Variants in PTPRD observed in about 807,000 individuals in gnomAD.
PTPRD encodes the protein receptor-type tyrosine-protein phosphatase delta.
A neutral mutation model predicts 214.5 loss-of-function variants in PTPRD; 34 were observed. That is an observed-to-expected ratio of 0.16 (90% CI 0.12 to 0.21). The LOEUF (loss-of-function observed/expected upper bound fraction) is 0.21. PTPRD is among the 10% of genes least tolerant of loss of function. The probability of loss-of-function intolerance (pLI) is 1.00; values close to 1 mark genes in which losing one functional copy is unlikely to be tolerated. For missense variants in PTPRD, 2,545 were observed against 2,398.7 expected, an observed-to-expected ratio of 1.06 and a Z score of -1.27; for synonymous variants, 1,128 against 845.7, an observed-to-expected ratio of 1.33 and a Z score of -5.79.
At chr9:9,959,532 A>C (rs1160421601) in intron 4 of PTPRD, among the ~76,000 whole-genome samples, 3 of 152,150 alleles carry the variant, frequency 2.0e-5, no homozygotes, top group Non-Finnish European at 4.4e-5. Context: ...TCCTAGAAAA[A>C]CTTCCTATGG....
At chr9:9,978,279 GA>G (rs551674539) in intron 4 of PTPRD, among the ~76,000 whole-genome samples, 116 of 152,166 alleles carry the variant, frequency 7.6e-4, no homozygotes, top group African/African-American at 2.4e-3. Flanking sequence ...ATAACTATGT[GA>G]AACCTGTTGA....
chr9:8,324,282 G>C (rs1474649758), intron 44 of PTPRD, among the ~76,000 whole-genome samples: 1 of 152,070 alleles, frequency 6.6e-6, no homozygotes, highest in Non-Finnish European at 1.5e-5. Flanking sequence ...CCTGGTGTGT[G>C]ATGTTCGCTT....
At chr9:10,223,684 A>ATAT (rs2099579156) in intron 3 of PTPRD, among the ~76,000 whole-genome samples, 1 of 138,014 alleles carries the variant, frequency 7.2e-6, no homozygotes, top group African/African-American at 2.6e-5. Context: ...AATAATAATA[A>ATAT]TAATAATAAT....
intron 5 of PTPRD, among the ~76,000 whole-genome samples, chr9:9,866,086 C>T (rs543263762): frequency 2.6e-5 from 4 of 152,254 alleles, no homozygotes; most frequent in East Asian, 1.9e-4. Flanking sequence ...GCCTCTGAAA[C>T]CTACTTCTTT....
intron 7 of PTPRD, among the ~76,000 whole-genome samples, chr9:9,701,551 G>C (rs1172250214): frequency 6.6e-6 from 1 of 152,206 alleles, no homozygotes; most frequent in Non-Finnish European, 1.5e-5. Context: ...GGAAGGCATT[G>C]ATGACCATTT....
chr9:9,675,495 AT>A (rs1195797749), intron 7 of PTPRD, among the ~76,000 whole-genome samples: 1 of 151,848 alleles, frequency 6.6e-6, no homozygotes, highest in Non-Finnish European at 1.5e-5. Context: ...ATTATAAAAA[AT>A]AAAAAGGTCA....
chr9:9,574,269 C>T lies in PTPRD; in HGVS notation c.-237+463G>A, dbSNP rs373236840. ...CTTAGAAGTCACTTGTTATTTATTA[C>T]CATCTTATTTCCATAGTTACATACT... On this transcript the variant is annotated intron_variant, in intron 8 of 45. Coordinates refer to ENST00000381196, the MANE Select transcript of PTPRD (RefSeq NM_002839.4). Among the ~76,000 whole-genome samples, 4 of 151,954 alleles carry T rather than the reference C, an allele frequency of 2.6e-5. No homozygotes were observed. The East Asian group carries it at 7.7e-4, about 29-fold the overall frequency.
At chr9:10,381,601 T>C (rs1253679359) in intron 2 of PTPRD, among the ~76,000 whole-genome samples, 1 of 152,020 alleles carries the variant, frequency 6.6e-6, no homozygotes, top group Non-Finnish European at 1.5e-5. Flanking sequence ...TAACCTGTTA[T>C]CTGGCTACAA....
chr9:8,576,631 CAAAA>C (rs71317371), intron 14 of PTPRD, among the ~76,000 whole-genome samples: 21 of 115,990 alleles, frequency 1.8e-4, no homozygotes, highest in African/African-American at 4.1e-4. Flanking sequence ...GCTAATGCAG[CAAAA>C]AAAAAAAAAA....
At chr9:9,661,206 C>T (rs994981622) in intron 7 of PTPRD, among the ~76,000 whole-genome samples, 1 of 151,906 alleles carries the variant, frequency 6.6e-6, no homozygotes, top group Non-Finnish European at 1.5e-5. Context: ...CCTGTCCCTT[C>T]CTCATTTCTC....
intron 9 of PTPRD, among the ~76,000 whole-genome samples, chr9:9,306,652 A>G (rs1406586553): frequency 1.3e-5 from 2 of 151,848 alleles, no homozygotes; most frequent in African/African-American, 4.8e-5. Context: ...ATGAAGGCAC[A>G]CATTTTTAGG....
chr9:10,604,561 A>C, intron 2 of PTPRD, among the ~76,000 whole-genome samples: 1 of 151,846 alleles, frequency 6.6e-6, no homozygotes, highest in Admixed American at 6.6e-5. Context: ...ACTGCAAGAA[A>C]GCCTTGTTGC....
chr9:9,958,980 C>A lies in PTPRD; in HGVS notation c.-471-20370G>T, dbSNP rs374728233. The stretch of plus-strand genomic sequence containing the variant: ...ACTACACATAGTCTTACCATAAAAT[C>A]AAACAATCTTGCTCCTAGGTATAAA... On this transcript the variant is annotated intron_variant, in intron 4 of 45. Transcript: ENST00000381196. Among the ~76,000 whole-genome samples, 216 of 152,224 alleles carry A rather than the reference C, an allele frequency of 1.4e-3. 5 individuals are homozygous for A. In the South Asian group the frequency reaches 0.044, roughly 31 times the overall value.
At chr9:9,330,944 C>T (rs984738095) in intron 9 of PTPRD, among the ~76,000 whole-genome samples, 5 of 147,024 alleles carry the variant, frequency 3.4e-5, no homozygotes, top group Admixed American at 6.9e-5. Flanking sequence ...CAGCAATTAA[C>T]AGAAAGCTTT....
chr9:10,485,337 C>T (rs1473502968), intron 2 of PTPRD, among the ~76,000 whole-genome samples: 1 of 152,014 alleles, frequency 6.6e-6, no homozygotes, highest in African/African-American at 2.4e-5. Flanking sequence ...ACAGTTTAGA[C>T]TATTCTGAGT....
chr9:9,208,020 C>CTTTTTTTTTTTTTTTT lies in PTPRD; in HGVS notation c.-202-24673_-202-24658dup, dbSNP rs749709602. On this transcript the variant is annotated intron_variant, in intron 9 of 45. Transcript: ENST00000381196. ...TGGTATGGCTATTCATATATATCTGCTTTTTTTTTTTTTTTTTGAGACAGA... is the reference window on the plus strand; with the variant it reads ...TGGTATGGCTATTCATATATATCTGCTTTTTTTTTTTTTTTTTTTTTTTTTTTTTTTTTGAGACAGA... Among the ~76,000 whole-genome samples the CTTTTTTTTTTTTTTTT allele has an allele frequency of 4.5e-3, 241 of 53,258 alleles. 71 individuals are homozygous for CTTTTTTTTTTTTTTTT. The highest frequency in any genetic ancestry group is 7.9e-3 in the African/African-American group (146 of 18,452). 34.9% of individuals were successfully genotyped at this position (53,258 alleles called of 152,430 possible).
intron 10 of PTPRD, among the ~76,000 whole-genome samples, chr9:9,092,023 A>T (rs562398418): frequency 3.9e-5 from 6 of 152,216 alleles, no homozygotes; most frequent in Non-Finnish European, 8.8e-5. Context: ...GTTCTTCTCC[A>T]GAGAGAAAGT....
At chr9:8,969,970 G>A (rs990301246) in intron 11 of PTPRD, among the ~76,000 whole-genome samples, 2 of 151,846 alleles carry the variant, frequency 1.3e-5, no homozygotes, top group Non-Finnish European at 2.9e-5. Context: ...AATGTAATAA[G>A]GTGTAAAAGA....
chr9:10,589,309 CA>C (rs1388482016), intron 2 of PTPRD, among the ~76,000 whole-genome samples: 2 of 151,954 alleles, frequency 1.3e-5, no homozygotes, highest in Non-Finnish European at 1.5e-5. Context: ...GGGAAGAACA[CA>C]AACTGAACTT....
Sources: gnomAD v4.1 joint callset for allele counts (sites outside exome capture counted in the v4.1 genomes callset) on GRCh38, gnomAD v4.1.1 for gene constraint, MANE v1.5 for transcripts, NCBI Gene and HGNC (gene_info 2026-07-23, HGNC 2026-07-21) for gene names.